FGD4: variants seen among roughly 807,000 people sequenced by gnomAD.
FGD4 encodes FYVE, RhoGEF and PH domain-containing protein 4.
In FGD4, 42 loss-of-function variants were observed where a neutral mutation model predicts 102.0. The ratio of observed to expected loss-of-function variants is 0.41; its 90% CI spans 0.32 to 0.53. The LOEUF (loss-of-function observed/expected upper bound fraction) is 0.53, where lower values mean the gene tolerates loss of function less well. Among genes scored for constraint, FGD4 ranks in the 20% least tolerant of loss-of-function variants. The probability of loss-of-function intolerance (pLI) is 0.21; values close to 1 mark genes in which losing one functional copy is unlikely to be tolerated. For synonymous variants in FGD4, 380 were observed against 375.7 expected, an observed-to-expected ratio of 1.01 and a Z score of -0.13; for missense variants, 902 against 1,078.2, an observed-to-expected ratio of 0.84 and a Z score of 2.29.
chr12:32,565,705 C>T (rs538600871), intron 2 of FGD4, among the ~76,000 whole-genome samples: 12 of 152,130 alleles, frequency 7.9e-5, no homozygotes, highest in African/African-American at 2.9e-4. Flanking sequence ...CAAAATAATC[C>T]CCTTTTTAAG....
intron 1 of FGD4, chr12:32,486,014 T>TA: frequency 7.7e-6 from 11 of 1,434,196 alleles, no homozygotes; most frequent in Non-Finnish European, 9.1e-6. Flanking sequence ...TGTATGTGTC[T>TA]AGTGTCTAAA....
chr12:32,521,681 T>C (rs1489500085), intron 1 of FGD4, among the ~76,000 whole-genome samples: 1 of 152,240 alleles, frequency 6.6e-6, no homozygotes, highest in Non-Finnish European at 1.5e-5. Flanking sequence ...GCATTTACTT[T>C]AAAAAATATT....
At chr12:32,589,457 A>G (rs750276740) in intron 4 of FGD4, among the ~76,000 whole-genome samples, 2 of 152,230 alleles carry the variant, frequency 1.3e-5, no homozygotes, top group Non-Finnish European at 1.5e-5. Context: ...GACTTAACAG[A>G]ATTAACATAA....
chr12:32,514,897 G>A (rs935868893), intron 1 of FGD4, among the ~76,000 whole-genome samples: 3 of 151,820 alleles, frequency 2.0e-5, no homozygotes, highest in African/African-American at 7.3e-5. Context: ...CTAATTTTTT[G>A]TAGATATGGG....
At chr12:32,410,751 ACC>A (rs1336478864) in intron 1 of FGD4, among the ~76,000 whole-genome samples, 1 of 152,068 alleles carries the variant, frequency 6.6e-6, no homozygotes, top group Non-Finnish European at 1.5e-5. Flanking sequence ...CCAGGGAGCT[ACC>A]ACAGTTCTGG....
At chr12:32,592,884 G>A (rs1308395639) in intron 4 of FGD4, among the ~76,000 whole-genome samples, 2 of 152,014 alleles carry the variant, frequency 1.3e-5, no homozygotes. Context: ...ATAAATTAAA[G>A]TATGTAGTAG....
chr12:32,511,340 C>T (rs1939343111), intron 1 of FGD4: 1 of 152,328 alleles, frequency 6.6e-6, no homozygotes, highest in Non-Finnish European at 1.5e-5. Context: ...GAGACAGAGT[C>T]TCGCTCTGTT....
chr12:32,618,635 C>G (rs1327477145), intron 10 of FGD4, among the ~76,000 whole-genome samples: 1 of 152,042 alleles, frequency 6.6e-6, no homozygotes, highest in Non-Finnish European at 1.5e-5. Context: ...AGTTAAAGAC[C>G]AGGCTGGGCA....
chr12:32,545,508 T>TA (rs1471254209), intron 1 of FGD4, among the ~76,000 whole-genome samples: 3 of 152,240 alleles, frequency 2.0e-5, no homozygotes, highest in Non-Finnish European at 4.4e-5. Flanking sequence ...CTGTTGCAAC[T>TA]ACTCAACTCT....
At chr12:32,467,648 A>G (rs1360694161) in intron 1 of FGD4, among the ~76,000 whole-genome samples, 1 of 152,206 alleles carries the variant, frequency 6.6e-6, no homozygotes, top group East Asian at 1.9e-4. Flanking sequence ...GGTGCTTAAT[A>G]TAAATATTTG....
chr12:32,411,813 A>G (rs1027169945), intron 1 of FGD4, among the ~76,000 whole-genome samples: 1 of 152,144 alleles, frequency 6.6e-6, no homozygotes, highest in East Asian at 1.9e-4. Flanking sequence ...TGTCTTTACT[A>G]AAAGTACAAA....
intron 1 of FGD4, among the ~76,000 whole-genome samples, chr12:32,456,206 T>G (rs1942945264): frequency 6.6e-6 from 1 of 152,172 alleles, no homozygotes; most frequent in Non-Finnish European, 1.5e-5. Flanking sequence ...CTAAAATTGC[T>G]TGAAATTCAG....
At chr12:32,588,606 A>C (rs1947235876) in intron 4 of FGD4, among the ~76,000 whole-genome samples, 1 of 112,050 alleles carries the variant, frequency 8.9e-6, no homozygotes, top group Non-Finnish European at 1.7e-5. Context: ...TGGAGCTTGG[A>C]GAAGGTGCTG....
chr12:32,509,801 T>C (rs1939173541), intron 1 of FGD4, among the ~76,000 whole-genome samples: 1 of 152,200 alleles, frequency 6.6e-6, no homozygotes, highest in South Asian at 2.1e-4. Flanking sequence ...TTCCTCTAGG[T>C]GTGTGACCTG....
At chr12:32,491,741 A>T (rs562201462) in intron 1 of FGD4, among the ~76,000 whole-genome samples, 29 of 152,272 alleles carry the variant, frequency 1.9e-4, no homozygotes, top group African/African-American at 6.0e-4. Flanking sequence ...ATGCTACTTT[A>T]ACTGAAAATC....
intron 14 of FGD4, among the ~76,000 whole-genome samples, chr12:32,631,954 A>G (rs557324574): frequency 3.0e-4 from 46 of 152,358 alleles, no homozygotes; most frequent in Non-Finnish European, 5.0e-4. Context: ...TGATTTGAAA[A>G]TAAACAAAAT....
chr12:32,562,815 T>G (rs919252341), intron 1 of FGD4, among the ~76,000 whole-genome samples: 1 of 152,156 alleles, frequency 6.6e-6, no homozygotes, highest in South Asian at 2.1e-4. Flanking sequence ...GTCTACTTCT[T>G]TCTACACAGA....
At chr12:32,614,479 C>G (rs1215440927) in intron 10 of FGD4, among the ~76,000 whole-genome samples, 1 of 152,000 alleles carries the variant, frequency 6.6e-6, no homozygotes, top group Non-Finnish European at 1.5e-5. Context: ...TCTCGAGGGC[C>G]AAAGAACAAT....
At chr12:32,439,182 T>C (rs1322911662) in intron 1 of FGD4, among the ~76,000 whole-genome samples, 1 of 152,222 alleles carries the variant, frequency 6.6e-6, no homozygotes, top group East Asian at 1.9e-4. Context: ...TCTATGAGTT[T>C]AACTTTTACA....
Sources: gnomAD v4.1 joint callset for allele counts (sites outside exome capture counted in the v4.1 genomes callset) on GRCh38, gnomAD v4.1.1 for gene constraint, MANE v1.5 for transcripts, NCBI Gene and HGNC (gene_info 2026-07-23, HGNC 2026-07-21) for gene names.